CHCHD7: variants seen among roughly 807,000 people sequenced by gnomAD.
The protein encoded by CHCHD7 is coiled-coil-helix-coiled-coil-helix domain-containing protein 7.
Under a neutral mutation model 10.5 loss-of-function variants are expected in CHCHD7, and 7 were observed. That is an observed-to-expected ratio of 0.67 (90% CI 0.38 to 1.25). CHCHD7 has a LOEUF of 1.25. Among genes scored for constraint, CHCHD7 ranks in the 50% most tolerant of loss-of-function variants. The pLI is 0.02. For missense variants in CHCHD7, 100 were observed against 104.5 expected (o/e 0.96, Z 0.19); for synonymous variants, 40 against 36.0 (o/e 1.11, Z -0.40).
chr8:56,214,770 C>G, intron 2 of CHCHD7, 103 bp downstream of exon 2: 1 of 798,496 alleles, frequency 1.3e-6, no homozygotes, highest in Non-Finnish European at 2.1e-6. Flanking sequence ...AAAGTTATTT[C>G]TCTAGAAAAA....
rs769501631 is a variant in CHCHD7 at position 56,216,598 on chromosome 8, TAGTC to T, written c.153+71_153+74del. 1.9e-5 allele frequency: 29 copies of T among 1,522,256 alleles called. No individual in the cohort carries two copies. In the Admixed American group the frequency reaches 2.7e-4, roughly 14 times the overall value. 94.3% of individuals were successfully genotyped at this position (1,522,256 alleles called of 1,614,324 possible). A position where few individuals can be genotyped will look rare whatever the true frequency, so the allele number is the denominator to read the frequency against. ...TAGGGTTGAAACTGAAGCCTAAAAT[TAGTC>T]AGTACCCACAATCCTTTCCCACTGA... On this transcript the variant is annotated intron_variant, in intron 3 of 3. Transcript: ENST00000355315.
chr8:56,217,621 T>C lies in CHCHD7; in HGVS notation c.*186T>C, dbSNP rs73596239. ...GTGCCATGCCGATGGTATGTTGCTG[T>C]TGGCTGTGTTGTGGCATGAGTTTGC... On this transcript the variant is annotated 3_prime_UTR_variant, in exon 4 of 4. Coordinates refer to ENST00000355315, the MANE Select transcript of CHCHD7 (RefSeq NM_001011671.3). The C allele has an allele frequency of 0.026, 12,438 of 482,800 alleles. 1,274 individuals carry two copies. The highest frequency in any genetic ancestry group is 0.22 in the African/African-American group (11,163 of 50,714). 29.9% of individuals were successfully genotyped at this position (482,800 alleles called of 1,614,324 possible). A position where few individuals can be genotyped will look rare whatever the true frequency, so the allele number is the denominator to read the frequency against.
intron 3 of CHCHD7, 167 bp downstream of exon 3, chr8:56,216,698 A>G (rs1431974215): frequency 5.3e-6 from 4 of 757,660 alleles, no homozygotes; most frequent in Middle Eastern, 2.2e-4. Context: ...GATCCTTGAG[A>G]GCTCTTGTTA....
chr8:56,215,552 A>AGGGATCTAATAGCATTAGATG (rs1813300908), intron 2 of CHCHD7: 5 of 152,146 alleles, frequency 3.3e-5, no homozygotes, highest in African/African-American at 4.8e-5. Context: ...ATCCCACAAT[A>AGGGATCTAATAGCATTAGATG]GGGATCTAAT....
At chr8:56,217,244 A>G in intron 3 of CHCHD7, 87 bp from the exon 4 acceptor site, 1 of 729,084 alleles carries the variant, frequency 1.4e-6, no homozygotes, top group Admixed American at 2.9e-5. Context: ...TTTTTGAGGA[A>G]GCAATAGCAA....
chr8:56,216,394 G>T, intron 2 of CHCHD7, 39 bp from the exon 3 acceptor site: 1 of 1,613,226 alleles, frequency 6.2e-7, no homozygotes, highest in Non-Finnish European at 8.5e-7. Flanking sequence ...TTTAGATCCT[G>T]TTCTACCTTT....
At chr8:56,214,999 A>G (rs1276975725) in intron 2 of CHCHD7, 1 of 204,598 alleles carries the variant, frequency 4.9e-6, no homozygotes, top group African/African-American at 2.3e-5. Flanking sequence ...ACTGACATTT[A>G]TTGTTTCACT....
At position 56,217,554 on chromosome 8, in the gene CHCHD7, G is replaced by A. The variant is rs1813430258; in HGVS notation, c.*119G>A. ...CAGACAGACCTTAAGTTCTTCAAGT[G>A]GAGACAGTGAAGTCACCCCGTGTCC... On this transcript the variant is annotated 3_prime_UTR_variant, in exon 4 of 4. Transcript: ENST00000355315. 2 of 620,460 alleles carry A rather than the reference G, an allele frequency of 3.2e-6. No homozygotes were observed. The highest frequency in any genetic ancestry group is 2.1e-5 in the South Asian group (1 of 48,634). 38.4% of individuals were successfully genotyped at this position (620,460 alleles called of 1,614,324 possible).
intron 1 of CHCHD7, chr8:56,212,757 T>G: frequency 1.3e-6 from 1 of 785,116 alleles, no homozygotes; most frequent in African/African-American, 1.7e-5. Flanking sequence ...CCTCTTCAAT[T>G]CCAGTTAATA....
chr8:56,213,076 AAAAG>A (rs1813115233), intron 1 of CHCHD7: 1 of 436,578 alleles, frequency 2.3e-6, no homozygotes, highest in East Asian at 3.4e-5. Context: ...ATAGGTGTAA[AAAAG>A]AAAGCTGTGA....
chr8:56,214,716 G>T, intron 2 of CHCHD7, 49 bp downstream of exon 2: 1 of 1,466,610 alleles, frequency 6.8e-7, no homozygotes. Flanking sequence ...GGAAAAACAG[G>T]CTGCTCTAGT....
intron 1 of CHCHD7, chr8:56,213,462 G>C (rs1813146456): frequency 6.6e-6 from 1 of 152,184 alleles, no homozygotes; most frequent in Admixed American, 6.6e-5. Context: ...CGCGATCTCG[G>C]CTCACTGCAA....
rs1813498151 is a variant in CHCHD7, at chr8:56,218,659, T to C, written c.*1224T>C. 1 of 200,050 alleles carries C rather than the reference T, an allele frequency of 5.0e-6. No individual in the cohort carries two copies. The highest frequency in any genetic ancestry group is 2.3e-5 in the African/African-American group (1 of 43,518). The allele number at this position is 200,050 out of a possible 1,614,324, so 12.4% of individuals were successfully genotyped here. The stretch of plus-strand genomic sequence containing the variant: ...ATTGACTGCTATAAAAATGATGGAT[T>C]AAAATAGGACCAGAAAAGAATGAAT... On this transcript the variant is annotated 3_prime_UTR_variant, in exon 4 of 4. Coordinates refer to ENST00000355315, the MANE Select transcript of CHCHD7 (RefSeq NM_001011671.3).
intron 2 of CHCHD7, chr8:56,215,398 G>A (rs2129241170): frequency 6.6e-6 from 1 of 152,166 alleles, no homozygotes. Flanking sequence ...CAACCTTTTG[G>A]GCACCAAGGA....
At chr8:56,216,388 G>C in intron 2 of CHCHD7, 45 bp from the exon 3 acceptor site, 1 of 1,608,800 alleles carries the variant, frequency 6.2e-7, no homozygotes, top group East Asian at 2.2e-5. Context: ...TTTGCTTTTA[G>C]ATCCTGTTCT....
intron 2 of CHCHD7, among the ~76,000 whole-genome samples, chr8:56,215,921 G>A (rs141318019): frequency 3.9e-5 from 6 of 152,154 alleles, no homozygotes. Context: ...GGAGTAAATG[G>A]TAGCCAAAAA....
At position 56,215,825 on chromosome 8, in the gene CHCHD7, C is replaced by A. The variant is rs1207872872; in HGVS notation, c.55-608C>A. On this transcript the variant is annotated intron_variant, in intron 2 of 3. Transcript: ENST00000355315. ...TTAATCCCCATGTGGCACCTACTTT[C>A]CTTTGAATTTATAGCTTGTGTTGTT... Among the ~76,000 whole-genome samples the A allele has an allele frequency of 2.0e-5, 3 of 152,272 alleles. No individual in the cohort carries two copies. In the East Asian group the frequency reaches 5.8e-4, roughly 29 times the overall value.
chr8:56,216,615 C>A, intron 3 of CHCHD7, 84 bp downstream of exon 3: 1 of 1,364,778 alleles, frequency 7.3e-7, no homozygotes, highest in Non-Finnish European at 1.0e-6. Context: ...TACCCACAAT[C>A]CTTTCCCACT....
rs896691104 is a variant in CHCHD7 at position 56,218,093 on chromosome 8, G to C, written c.*658G>C. Reference sequence around the variant, plus strand: ...TTCTTTAAAGAAAGTCTTAGTTACAGGATTCTGTGATTAAAATCCTTAAAT... The same window carrying C: ...TTCTTTAAAGAAAGTCTTAGTTACACGATTCTGTGATTAAAATCCTTAAAT... On this transcript the variant is annotated 3_prime_UTR_variant, in exon 4 of 4. Coordinates refer to ENST00000355315, the MANE Select transcript of CHCHD7 (RefSeq NM_001011671.3). 4.4e-6 allele frequency: 1 copy of C among 228,372 alleles called. No homozygotes were observed. Among genetic ancestry groups the C allele is most frequent in the African/African-American group, 2.2e-5 (1 of 45,062 alleles). The allele number at this position is 228,372 out of a possible 1,614,324, so 14.1% of individuals were successfully genotyped here. A position where few individuals can be genotyped will look rare whatever the true frequency, so the allele number is the denominator to read the frequency against.
Sources: allele counts gnomAD v4.1 joint callset (sites outside exome capture counted in the v4.1 genomes callset), GRCh38; gene constraint gnomAD v4.1.1; transcripts MANE v1.5; gene names NCBI Gene and HGNC (gene_info 2026-07-23, HGNC 2026-07-21).